Variants in ZFHX3 observed in about 807,000 individuals in gnomAD.
ZFHX3 encodes the protein zinc finger homeobox 3.
Under a neutral mutation model 279.1 loss-of-function variants are expected in ZFHX3, and 42 were observed. The observed-to-expected ratio is 0.15, with a 90% CI of 0.12 to 0.19. ZFHX3 has a LOEUF of 0.19. Among genes scored for constraint, ZFHX3 ranks in the 10% least tolerant of loss-of-function variants. The probability of loss-of-function intolerance (pLI) is 1.00; values close to 1 mark genes in which losing one functional copy is unlikely to be tolerated. For missense variants in ZFHX3, 4,981 were observed against 4,754.0 expected (o/e 1.05, Z -1.40); for synonymous variants, 2,293 against 1,957.8 (o/e 1.17, Z -4.52).
Position 72,829,799 on chromosome 16 carries a change from G to A in ZFHX3, c.3509C>T (p.Ala1170Val), listed in dbSNP as rs1191288325. ...SETAADPEEL[A>V]KDQEGGASSS... is the part of the protein sequence containing the mutation. ...CTCACCTCCGCCCTCTTGGTCCTTA[G>A]CAAGCTCCTCTGGATCAGCAGCTGT... Residue 1170 changes from alanine to valine, a missense_variant, in exon 5 of 10, where the codon GCT (alanine) becomes GTT (valine). By Grantham distance (64) the Ala-to-Val change is moderately conservative. Coordinates refer to ENST00000268489, the MANE Select transcript of ZFHX3 (RefSeq NM_006885.4). 1 of 1,614,076 alleles carries A rather than the reference G, an allele frequency of 6.2e-7. No individual in the cohort carries two copies. The highest frequency in any genetic ancestry group is 8.5e-7 in the Non-Finnish European group (1 of 1,180,044).
At chr16:73,634,461 T>TATAA (rs1567538532) in intron 2 of ZFHX3, among the ~76,000 whole-genome samples, 7 of 140,982 alleles carry the variant, frequency 5.0e-5, no homozygotes, top group African/African-American at 1.9e-4. Context: ...TATATATATA[T>TATAA]AAAATATATA....
intron 5 of ZFHX3, among the ~76,000 whole-genome samples, chr16:73,174,706 C>A (rs1386125293): frequency 1.3e-5 from 2 of 151,912 alleles, no homozygotes; most frequent in East Asian, 1.9e-4. Context: ...AATGAGCGAC[C>A]CAGAGGGATC....
chr16:73,676,576 G>C (rs8056272), intron 2 of ZFHX3, among the ~76,000 whole-genome samples: 1 of 151,600 alleles, frequency 6.6e-6, no homozygotes, highest in Non-Finnish European at 1.5e-5. Context: ...AAGACACCCA[G>C]AGAATCAAAA....
chr16:72,838,432 C>CT (rs1188173095), intron 4 of ZFHX3, among the ~76,000 whole-genome samples: 1 of 152,158 alleles, frequency 6.6e-6, no homozygotes, highest in Non-Finnish European at 1.5e-5. Context: ...CTCCATTTGC[C>CT]TTTTTACTTT....
chr16:73,300,832 G>A (rs2015039837), intron 4 of ZFHX3, among the ~76,000 whole-genome samples: 1 of 152,182 alleles, frequency 6.6e-6, no homozygotes, highest in Admixed American at 6.5e-5. Flanking sequence ...CAGACCAGTG[G>A]TCCAGGCTTT....
chr16:73,805,509 T>C (rs1960254137), intron 1 of ZFHX3, among the ~76,000 whole-genome samples: 1 of 152,204 alleles, frequency 6.6e-6, no homozygotes, highest in African/African-American at 2.4e-5. Context: ...CCATCAAGAC[T>C]GCCACCTTCT....
chr16:73,268,746 A>G (rs2014055996), intron 4 of ZFHX3, among the ~76,000 whole-genome samples: 1 of 152,172 alleles, frequency 6.6e-6, no homozygotes, highest in African/African-American at 2.4e-5. Context: ...GAAACACTGC[A>G]TTCTCTCCTT....
At chr16:73,288,698 C>G (rs571119965) in intron 4 of ZFHX3, among the ~76,000 whole-genome samples, 1 of 151,852 alleles carries the variant, frequency 6.6e-6, no homozygotes, top group Non-Finnish European at 1.5e-5. Flanking sequence ...GAGGCTTCTG[C>G]AGCAGCTGCT....
At position 73,682,909 on chromosome 16, in the gene ZFHX3, AAAGAAAGAG is replaced by A. The variant is rs1264760199; in HGVS notation, c.-1607-2678_-1607-2670del. Among the ~76,000 whole-genome samples, 129 of 19,428 alleles carry A rather than the reference AAAGAAAGAG, an allele frequency of 6.6e-3. 4 individuals are homozygous for A. The highest frequency in any genetic ancestry group is 0.015 in the East Asian group (3 of 194). 12.7% of individuals were successfully genotyped at this position (19,428 alleles called of 152,430 possible). A position where few individuals can be genotyped will look rare whatever the true frequency, so the allele number is the denominator to read the frequency against. ...AAGAAAGAAAGAAAGAAAGAAAGAG[AAAGAAAGAG>A]AGAAAGAGAAAGAAAGAAAGAAAGA... On this transcript the variant is annotated intron_variant, in intron 1 of 17. Coordinates refer to the ZFHX3 transcript ENST00000641206.
chr16:72,962,144 G>A (rs1409964717), intron 1 of ZFHX3, among the ~76,000 whole-genome samples: 1 of 152,212 alleles, frequency 6.6e-6, no homozygotes, highest in Admixed American at 6.5e-5. Context: ...GGAACATGCG[G>A]GAAGGGGGGG....
chr16:73,612,686 C>A (rs2052259371), intron 2 of ZFHX3, among the ~76,000 whole-genome samples: 1 of 152,012 alleles, frequency 6.6e-6, no homozygotes, highest in Non-Finnish European at 1.5e-5. Context: ...GTGTGAGGAC[C>A]ATCCTATCAG....
At chr16:73,507,664 T>A (rs780796553) in intron 2 of ZFHX3, among the ~76,000 whole-genome samples, 4 of 151,802 alleles carry the variant, frequency 2.6e-5, no homozygotes, top group Non-Finnish European at 4.4e-5. Flanking sequence ...CCTGGCTGAT[T>A]TTTCTTTTAA....
intron 4 of ZFHX3, among the ~76,000 whole-genome samples, chr16:72,864,806 C>G (rs2037973352): frequency 6.6e-6 from 1 of 152,162 alleles, no homozygotes; most frequent in African/African-American, 2.4e-5. Flanking sequence ...ACATAGCAGG[C>G]TATTTGGAAA....
chr16:73,073,364 G>A (rs1373722666), intron 8 of ZFHX3, among the ~76,000 whole-genome samples: 1 of 152,184 alleles, frequency 6.6e-6, no homozygotes, highest in Non-Finnish European at 1.5e-5. Flanking sequence ...TCATAGATAT[G>A]TCTCTCCAGG....
chr16:73,357,222 C>T (rs915482438), intron 3 of ZFHX3, among the ~76,000 whole-genome samples: 3 of 151,848 alleles, frequency 2.0e-5, no homozygotes, highest in Admixed American at 6.6e-5. Flanking sequence ...TACCCCCCAC[C>T]ACAAAACCCC....
chr16:73,623,970 A>T (rs2052392673), intron 2 of ZFHX3, among the ~76,000 whole-genome samples: 1 of 152,252 alleles, frequency 6.6e-6, no homozygotes, highest in Non-Finnish European at 1.5e-5. Flanking sequence ...CATTTGAAAC[A>T]TTCCAAAGTT....
intron 9 of ZFHX3, among the ~76,000 whole-genome samples, chr16:72,791,781 T>C (rs1473070232): frequency 1.3e-5 from 2 of 152,246 alleles, no homozygotes; most frequent in East Asian, 1.9e-4. Flanking sequence ...TCAACACATA[T>C]AAGCAACAAC....
intron 2 of ZFHX3, among the ~76,000 whole-genome samples, chr16:73,476,463 C>T (rs541044549): frequency 1.3e-5 from 2 of 152,216 alleles, no homozygotes; most frequent in South Asian, 2.1e-4. Flanking sequence ...ATAAAAAGTC[C>T]ACACTGCCAC....
At chr16:73,874,075 G>A (rs1046028482) in intron 1 of ZFHX3, among the ~76,000 whole-genome samples, 10 of 152,132 alleles carry the variant, frequency 6.6e-5, no homozygotes, top group African/African-American at 1.7e-4. Context: ...AGCTGCCTAC[G>A]CCATTTCTTC....
Sources: allele counts gnomAD v4.1 joint callset (sites outside exome capture counted in the v4.1 genomes callset), GRCh38; gene constraint gnomAD v4.1.1; transcripts MANE v1.5; gene names NCBI Gene and HGNC (gene_info 2026-07-23, HGNC 2026-07-21).